ADGRE3: variants seen among roughly 807,000 people sequenced by gnomAD.
ADGRE3 encodes adhesion G protein-coupled receptor E3, also known as EGF-like module receptor 3.
ADGRE3 carries 88 observed loss-of-function variants against 80.1 expected under a neutral mutation model. The ratio of observed to expected loss-of-function variants is 1.10; its 90% CI spans 0.93 to 1.31. The LOEUF (loss-of-function observed/expected upper bound fraction) is 1.31, where lower values mean the gene tolerates loss of function less well. ADGRE3 is among the 40% of genes most tolerant of loss of function. The pLI, the probability that ADGRE3 is intolerant of heterozygous loss-of-function variation, is 0.00. For synonymous variants in ADGRE3, 281 were observed against 294.8 expected, an observed-to-expected ratio of 0.95 and a Z score of 0.48; for missense variants, 715 against 776.5, an observed-to-expected ratio of 0.92 and a Z score of 0.94.
intron 8 of ADGRE3, among the ~76,000 whole-genome samples, chr19:14,645,661 AG>A (rs1971380979): frequency 6.6e-6 from 1 of 150,800 alleles, no homozygotes; most frequent in Non-Finnish European, 1.5e-5. Flanking sequence ...ACTCAAAAAA[AG>A]AAAAAAAAAA....
chr19:14,639,589 T>C (rs991845704), intron 10 of ADGRE3, among the ~76,000 whole-genome samples: 1 of 151,182 alleles, frequency 6.6e-6, no homozygotes, highest in African/African-American at 2.4e-5. Context: ...ATTTTTTTTG[T>C]TTTTTTTGTA....
chr19:14,661,994 T>C lies in ADGRE3; in HGVS notation c.324A>G (p.Gln108=). The change falls in exon 4 of 16, where the codon CAA becomes CAG. Residue 108 remains glutamine, a synonymous_variant. Transcript: ENST00000253673. ...AGGTGTTCTCATTGGAATTACTGAA[T>C]TGTTCATTCCCAGAATGCAGTCTAT... ...PGYRLHSGNE[Q]FSNSNENTCQ... The C allele has an allele frequency of 1.2e-6, 2 of 1,614,220 alleles. No homozygotes were observed. Among genetic ancestry groups the C allele is most frequent in the Non-Finnish European group, 1.7e-6 (2 of 1,180,020 alleles).
intron 2 of ADGRE3, among the ~76,000 whole-genome samples, chr19:14,668,144 G>A (rs1020516578): frequency 6.6e-6 from 1 of 152,052 alleles, no homozygotes; most frequent in African/African-American, 2.4e-5. Context: ...CCAGCTACTC[G>A]GGAGGCTGAG....
chr19:14,661,849 C>T, intron 4 of ADGRE3, 114 bp downstream of exon 4: 1 of 1,136,772 alleles, frequency 8.8e-7, no homozygotes, highest in East Asian at 2.5e-5. Context: ...TCAGCCACTG[C>T]ACTCCAGCCT....
At chr19:14,615,048 G>A (rs1249464059), downstream of ADGRE3, among the ~76,000 whole-genome samples, 1 of 151,890 alleles carries the variant, frequency 6.6e-6, no homozygotes, top group Non-Finnish European at 1.5e-5. Flanking sequence ...ACTACACCTG[G>A]CTAACCAACC....
At chr19:14,609,382 C>T in the ADGRE3 span, among the ~76,000 whole-genome samples, 1 of 152,156 alleles carries the variant, frequency 6.6e-6, no homozygotes, top group Non-Finnish European at 1.5e-5. Flanking sequence ...TCACCTCTCT[C>T]CTAAGAACAT....
At position 14,674,654 on chromosome 19, in the gene ADGRE3, G is replaced by A; in HGVS notation, c.25+92C>T. 2.3e-6 allele frequency: 3 copies of A among 1,314,348 alleles called. No individual in the cohort carries two copies. In the East Asian group the frequency reaches 7.0e-5, roughly 31 times the overall value. 81.4% of individuals were successfully genotyped at this position (1,314,348 alleles called of 1,614,324 possible). A position where few individuals can be genotyped will look rare whatever the true frequency, so the allele number is the denominator to read the frequency against. On this transcript the variant is annotated intron_variant, in intron 1 of 15. Coordinates refer to ENST00000253673, the MANE Select transcript of ADGRE3 (RefSeq NM_032571.5). ...AAAGGTGAGAGTGTTCAGAGCAGAA[G>A]AAAGAGGAGGAGAAAATAACCAATT...
At chr19:14,651,297 C>G (rs1397654132) in intron 6 of ADGRE3, 93 bp from the exon 7 acceptor site, 1 of 1,371,020 alleles carries the variant, frequency 7.3e-7, no homozygotes, top group Non-Finnish European at 1.0e-6. Context: ...TGCCTGTAGT[C>G]CCAACTACTC....
At chr19:14,620,472 T>TG (rs1164784966) in intron 15 of ADGRE3, among the ~76,000 whole-genome samples, 1 of 123,252 alleles carries the variant, frequency 8.1e-6, no homozygotes, top group African/African-American at 3.3e-5. Flanking sequence ...ATGAATATAT[T>TG]ATGAGTACAT....
chr19:14,666,964 T>C (rs1972122309), intron 2 of ADGRE3, among the ~76,000 whole-genome samples: 1 of 152,156 alleles, frequency 6.6e-6, no homozygotes, highest in African/African-American at 2.4e-5. Flanking sequence ...GGATATGACT[T>C]CATTTGGAAA....
chr19:14,673,010 A>T (rs1027683447), intron 1 of ADGRE3, among the ~76,000 whole-genome samples: 1 of 152,184 alleles, frequency 6.6e-6, no homozygotes. Flanking sequence ...AAAATTCACT[A>T]ATAATCCACC....
At chr19:14,671,238 G>A (rs757663409) in intron 1 of ADGRE3, among the ~76,000 whole-genome samples, 2 of 152,148 alleles carry the variant, frequency 1.3e-5, no homozygotes, top group Non-Finnish European at 2.9e-5. Flanking sequence ...TCTCTTACAG[G>A]TCTGGAAGTC....
At position 14,645,001 on chromosome 19, in the gene ADGRE3, T is replaced by C. The variant is rs149458154; in HGVS notation, c.883-726A>G. On this transcript the variant is annotated intron_variant, in intron 8 of 15. Coordinates refer to ENST00000253673, the MANE Select transcript of ADGRE3 (RefSeq NM_032571.5). ...TTGGCCTCCCAAGAGGCTGTGGTTATGGGCATGAGCCGCTGTACCTGATTT... is the reference window on the plus strand; with the variant it reads ...TTGGCCTCCCAAGAGGCTGTGGTTACGGGCATGAGCCGCTGTACCTGATTT... Among the ~76,000 whole-genome samples, 20 of 152,306 alleles carry C rather than the reference T, an allele frequency of 1.3e-4. No individual in the cohort carries two copies. In the East Asian group the frequency reaches 3.9e-3, roughly 29 times the overall value.
chr19:14,672,644 C>T (rs1405511276), intron 1 of ADGRE3, among the ~76,000 whole-genome samples: 1 of 152,154 alleles, frequency 6.6e-6, no homozygotes, highest in Non-Finnish European at 1.5e-5. Context: ...CATTTGAGCT[C>T]TGTTGCTCAG....
Position 14,623,310 on chromosome 19 carries a change from A to G in ADGRE3, c.1920+2182T>C, listed in dbSNP as rs1368830453. On this transcript the variant is annotated intron_variant, in intron 15 of 15. Coordinates refer to ENST00000253673, the MANE Select transcript of ADGRE3 (RefSeq NM_032571.5). Reference sequence around the variant, plus strand: ...TAAAAAAAAAAAAATAAAAAAAAAAAAAAATAAAACTCCTGGACTTAAGTG... The same window carrying G: ...TAAAAAAAAAAAAATAAAAAAAAAAGAAAATAAAACTCCTGGACTTAAGTG... 7.3e-5 allele frequency among the ~76,000 whole-genome samples: 2 copies of G among 27,326 alleles called. 1 individual carries two copies. Among genetic ancestry groups the G allele is most frequent in the African/African-American group, 3.1e-4 (2 of 6,486 alleles). 17.9% of individuals were successfully genotyped at this position (27,326 alleles called of 152,430 possible). A position where few individuals can be genotyped will look rare whatever the true frequency, so the allele number is the denominator to read the frequency against.
Position 14,651,144 on chromosome 19 carries a change from T to C in ADGRE3, c.638A>G (p.Asn213Ser). ...CSEERKTFNLNVQMNSMDIRC... is the reference protein window; with the variant it reads ...CSEERKTFNLSVQMNSMDIRC... ...GATGTCCATTGAGTTCATTTGGACGTTCAAGTTGAATGTCTTTCTTTCTTC... is the reference window on the plus strand; with the variant it reads ...GATGTCCATTGAGTTCATTTGGACGCTCAAGTTGAATGTCTTTCTTTCTTC... The change falls in exon 7 of 16, where the codon AAC becomes AGC. Residue 213 changes from asparagine to serine, a missense_variant. Transcript: ENST00000253673. 1 of 1,614,136 alleles carries C rather than the reference T, an allele frequency of 6.2e-7. No homozygotes were observed.
chr19:14,669,038 G>C (rs1972180194), intron 1 of ADGRE3, among the ~76,000 whole-genome samples, 186 bp from the exon 2 acceptor site: 1 of 152,014 alleles, frequency 6.6e-6, no homozygotes, highest in South Asian at 2.1e-4. Context: ...GACCACTGTT[G>C]GACCCAGCAA....
chr19:14,657,556 A>G (rs966820397), intron 5 of ADGRE3, among the ~76,000 whole-genome samples: 1 of 150,300 alleles, frequency 6.7e-6, no homozygotes, highest in Non-Finnish European at 1.5e-5. Context: ...ACCTATATCT[A>G]TATATATATA....
chr19:14,626,218 C>T (rs987855094), intron 14 of ADGRE3, among the ~76,000 whole-genome samples: 7 of 152,044 alleles, frequency 4.6e-5, no homozygotes, highest in South Asian at 4.1e-4. Context: ...GGGTGGATCA[C>T]GAGGTCAGGA....
Sources: gnomAD v4.1 joint callset for allele counts (sites outside exome capture counted in the v4.1 genomes callset) on GRCh38, gnomAD v4.1.1 for gene constraint, MANE v1.5 for transcripts, NCBI Gene and HGNC (gene_info 2026-07-23, HGNC 2026-07-21) for gene names.